The following SGIP1 variants were observed in gnomAD, a reference collection of about 807,000 sequenced individuals.
The protein encoded by SGIP1 is SH3-containing GRB2-like protein 3-interacting protein 1.
In SGIP1, 38 loss-of-function variants were observed where a neutral mutation model predicts 107.5. The observed-to-expected ratio is 0.35, with a 90% CI of 0.27 to 0.46. The LOEUF is 0.46. Among genes scored for constraint, SGIP1 ranks in the 20% least tolerant of loss-of-function variants. The pLI is 1.00. For synonymous variants in SGIP1, 365 were observed against 366.1 expected (o/e 1.00, Z 0.03); for missense variants, 929 against 1,019.5 (o/e 0.91, Z 1.21).
chr1:66,687,928 CAA>C (rs988548007), intron 15 of SGIP1, among the ~76,000 whole-genome samples: 1 of 152,158 alleles, frequency 6.6e-6, no homozygotes, highest in Admixed American at 6.5e-5. Context: ...ATTATTTAAA[CAA>C]GAGGAGCAAG....
intron 20 of SGIP1, among the ~76,000 whole-genome samples, chr1:66,733,141 C>G (rs1030714301): frequency 2.6e-5 from 4 of 152,156 alleles, no homozygotes; most frequent in African/African-American, 2.4e-5. Context: ...TTATAACTAC[C>G]AAAATTATCA....
At chr1:66,653,889 G>C (rs1248516781) in intron 7 of SGIP1, among the ~76,000 whole-genome samples, 3 of 152,200 alleles carry the variant, frequency 2.0e-5, no homozygotes, top group Non-Finnish European at 4.4e-5. Flanking sequence ...GGTAGAATGT[G>C]CTCTGTAAAG....
intron 19 of SGIP1, among the ~76,000 whole-genome samples, chr1:66,721,849 A>C (rs1296923060): frequency 6.6e-6 from 1 of 152,190 alleles, no homozygotes; most frequent in Non-Finnish European, 1.5e-5. Flanking sequence ...TAATTTATTC[A>C]GAGAGATCTA....
At position 66,748,908 on chromosome 1, in the gene SGIP1, A is replaced by G. The variant is rs2094588535; in HGVS notation, c.*5813A>G. Among the ~76,000 whole-genome samples the G allele has an allele frequency of 6.6e-6, 1 of 151,892 alleles. No individual in the cohort carries two copies. Among genetic ancestry groups the G allele is most frequent in the Non-Finnish European group, 1.5e-5 (1 of 67,864 alleles). The stretch of plus-strand genomic sequence containing the variant: ...GAATCAGGTAAAAAAAATTTTTTCT[A>G]AGCACACCTTGAGAAACCTTTGGAA... On this transcript the variant is annotated 3_prime_UTR_variant, in exon 25 of 25. Coordinates refer to ENST00000371037, the MANE Select transcript of SGIP1 (RefSeq NM_032291.4).
At chr1:66,670,504 C>T (rs950291464) in intron 9 of SGIP1, among the ~76,000 whole-genome samples, 3 of 152,192 alleles carry the variant, frequency 2.0e-5, no homozygotes, top group African/African-American at 7.2e-5. Flanking sequence ...CAAGTTTCCC[C>T]TGCCTTTTAC....
intron 1 of SGIP1, among the ~76,000 whole-genome samples, chr1:66,610,441 T>C (rs2067741014): frequency 6.6e-6 from 1 of 152,200 alleles, no homozygotes; most frequent in South Asian, 2.1e-4. Context: ...GGCCTGTTGT[T>C]TGAATTTCCC....
intron 1 of SGIP1, among the ~76,000 whole-genome samples, chr1:66,607,259 A>C (rs1276036554): frequency 6.6e-6 from 1 of 152,216 alleles, no homozygotes; most frequent in Non-Finnish European, 1.5e-5. Flanking sequence ...ATCTCAAATG[A>C]AAAGTGCCTC....
intron 1 of SGIP1, among the ~76,000 whole-genome samples, chr1:66,603,045 A>G (rs888980494): frequency 2.0e-5 from 3 of 152,350 alleles, no homozygotes; most frequent in African/African-American, 7.2e-5. Flanking sequence ...GAAGAAAGAT[A>G]TAAGAAAGTT....
chr1:66,580,455 C>T (rs12091274), intron 1 of SGIP1, among the ~76,000 whole-genome samples: 7,096 of 152,188 alleles, frequency 0.047, 510 homozygotes, highest in African/African-American at 0.15. Context: ...CCTAAAATAG[C>T]GATCACTACC....
intron 1 of SGIP1, among the ~76,000 whole-genome samples, chr1:66,617,837 C>CA (rs1415664236): frequency 6.6e-6 from 1 of 151,594 alleles, no homozygotes; most frequent in Non-Finnish European, 1.5e-5. Flanking sequence ...TCCATTTTTT[C>CA]AAAAAAATCG....
intron 1 of SGIP1, among the ~76,000 whole-genome samples, chr1:66,617,494 A>G (rs1407537155): frequency 1.3e-5 from 2 of 152,248 alleles, no homozygotes; most frequent in Non-Finnish European, 2.9e-5. Context: ...GAGCATCATA[A>G]TGAAAAGATA....
intron 14 of SGIP1, 50 bp downstream of exon 14, chr1:66,679,802 G>C (rs774908601): frequency 1.3e-6 from 2 of 1,481,914 alleles, no homozygotes; most frequent in Admixed American, 2.6e-5. Context: ...ACAGAGCAGT[G>C]GCCCCGGATG....
intron 1 of SGIP1, among the ~76,000 whole-genome samples, chr1:66,537,303 T>C (rs1283906718): frequency 1.3e-5 from 2 of 152,132 alleles, no homozygotes; most frequent in Non-Finnish European, 2.9e-5. Flanking sequence ...GTAGTATAAA[T>C]ATGAAAGGAA....
At chr1:66,627,055 T>C (rs1451072136) in intron 2 of SGIP1, among the ~76,000 whole-genome samples, 2 of 152,208 alleles carry the variant, frequency 1.3e-5, no homozygotes, top group East Asian at 1.9e-4. Flanking sequence ...TTTGTACAAC[T>C]AATGAGGTAA....
intron 19 of SGIP1, among the ~76,000 whole-genome samples, chr1:66,726,309 T>C (rs1397294988): frequency 1.3e-5 from 2 of 152,186 alleles, no homozygotes; most frequent in Admixed American, 1.3e-4. Flanking sequence ...CCGTTAATTT[T>C]CTCAGAGCAG....
intron 1 of SGIP1, among the ~76,000 whole-genome samples, chr1:66,591,257 T>C (rs1197935893): frequency 6.6e-6 from 1 of 152,192 alleles, no homozygotes; most frequent in East Asian, 1.9e-4. Context: ...ACAAGGTATC[T>C]TGATCCAATT....
At position 66,749,455 on chromosome 1, in the gene SGIP1, TG is replaced by T. The variant is rs912577956; in HGVS notation, c.*6361del. Among the ~76,000 whole-genome samples the T allele has an allele frequency of 8.7e-5, 13 of 149,458 alleles. No homozygotes were observed. Among genetic ancestry groups the T allele is most frequent in the Non-Finnish European group, 1.6e-4 (11 of 67,142 alleles). ...GCATTTCATAGGGTTTTTTTTTTGCTGTTTTTTTTTCTTTTTTTGCTTTGCT... is the reference window on the plus strand; with the variant it reads ...GCATTTCATAGGGTTTTTTTTTTGCTTTTTTTTTTCTTTTTTTGCTTTGCT... On this transcript the variant is annotated 3_prime_UTR_variant, in exon 25 of 25. Coordinates refer to ENST00000371037, the MANE Select transcript of SGIP1 (RefSeq NM_032291.4).
At chr1:66,743,052 A>G (rs2094507411) in intron 24 of SGIP1, 21 bp from the exon 25 acceptor site, 3 of 1,613,522 alleles carry the variant, frequency 1.9e-6, no homozygotes, top group South Asian at 2.2e-5. Flanking sequence ...TAACCTGTTG[A>G]CATGCTGTTT....
intron 1 of SGIP1, among the ~76,000 whole-genome samples, chr1:66,598,785 G>A (rs991378066): frequency 9.2e-5 from 14 of 152,088 alleles, no homozygotes; most frequent in Non-Finnish European, 1.8e-4. Flanking sequence ...CCGACCCCAC[G>A]ATCCAATCAC....
Sources: allele counts gnomAD v4.1 joint callset (sites outside exome capture counted in the v4.1 genomes callset), GRCh38; gene constraint gnomAD v4.1.1; transcripts MANE v1.5; gene names NCBI Gene and HGNC (gene_info 2026-07-23, HGNC 2026-07-21).